The following KLF12 variants were observed in gnomAD, a reference collection of about 807,000 sequenced individuals.
KLF12 encodes the protein Krueppel-like factor 12.
A neutral mutation model predicts 37.8 loss-of-function variants in KLF12; 9 were observed. The ratio of observed to expected loss-of-function variants is 0.24; its 90% CI spans 0.14 to 0.42. The LOEUF is 0.42. Among genes scored for constraint, KLF12 ranks in the 10% least tolerant of loss-of-function variants. The probability of loss-of-function intolerance (pLI) is 1.00; values close to 1 mark genes in which losing one functional copy is unlikely to be tolerated. For missense variants in KLF12, 411 were observed against 516.0 expected, an observed-to-expected ratio of 0.80 and a Z score of 1.97; for synonymous variants, 208 against 202.1, an observed-to-expected ratio of 1.03 and a Z score of -0.25.
intron 1 of KLF12, among the ~76,000 whole-genome samples, chr13:74,050,194 T>C (rs1012328233): frequency 2.0e-5 from 3 of 152,178 alleles, no homozygotes; most frequent in African/African-American, 4.8e-5. Flanking sequence ...GACAAATGTA[T>C]TGGGAATCTT....
At chr13:74,083,263 A>C (rs1245634008) in intron 1 of KLF12, among the ~76,000 whole-genome samples, 7 of 152,184 alleles carry the variant, frequency 4.6e-5, no homozygotes, top group Admixed American at 4.6e-4. Context: ...CTGCAATCCC[A>C]ACACTTTAGG....
intron 3 of KLF12, among the ~76,000 whole-genome samples, chr13:73,933,883 A>C (rs1889800394): frequency 6.6e-6 from 1 of 152,118 alleles, no homozygotes; most frequent in Admixed American, 6.5e-5. Flanking sequence ...CCTCTTAACC[A>C]TTTTTAAGTG....
chr13:74,035,866 G>A (rs1458528209), intron 1 of KLF12, among the ~76,000 whole-genome samples: 1 of 152,104 alleles, frequency 6.6e-6, no homozygotes, highest in African/African-American at 2.4e-5. Context: ...ATAGGATTTT[G>A]CAATTTAGAA....
chr13:73,717,001 G>C (rs146650597), intron 6 of KLF12, among the ~76,000 whole-genome samples: 1 of 152,076 alleles, frequency 6.6e-6, no homozygotes, highest in Non-Finnish European at 1.5e-5. Context: ...AACTTAGATC[G>C]GGGGTCAGTG....
chr13:73,913,593 CACATAGTGAGAAAGGGAG>C, intron 3 of KLF12, among the ~76,000 whole-genome samples: 1 of 152,274 alleles, frequency 6.6e-6, no homozygotes, highest in South Asian at 2.1e-4. Flanking sequence ...CTGCTCCTCT[CACATAGTGAGAAAGGGAG>C]AACTGGACTG....
the KLF12 span, among the ~76,000 whole-genome samples, chr13:74,166,822 T>C: frequency 1.3e-5 from 2 of 152,198 alleles, no homozygotes; most frequent in East Asian, 3.8e-4. Flanking sequence ...CTTTCAAATA[T>C]ATGCTCAAAT....
the KLF12 span, among the ~76,000 whole-genome samples, chr13:74,242,981 G>A: frequency 1.3e-5 from 2 of 152,156 alleles, no homozygotes; most frequent in Admixed American, 6.5e-5. Context: ...GGATACATAT[G>A]CAGAACGTGC....
intron 2 of KLF12, among the ~76,000 whole-genome samples, chr13:73,985,926 T>C (rs762396123): frequency 3.9e-5 from 6 of 152,236 alleles, no homozygotes; most frequent in Non-Finnish European, 8.8e-5. Flanking sequence ...TTAATTTCAA[T>C]AGATAGCTGC....
chr13:74,119,665 T>C (rs1411748892), intron 1 of KLF12, among the ~76,000 whole-genome samples: 1 of 151,938 alleles, frequency 6.6e-6, no homozygotes, highest in African/African-American at 2.4e-5. Context: ...AGACTAAAAC[T>C]TGAATAGATG....
chr13:74,207,010 C>A, the KLF12 span, among the ~76,000 whole-genome samples: 2 of 152,128 alleles, frequency 1.3e-5, no homozygotes, highest in Admixed American at 1.3e-4. Flanking sequence ...TTTATTGGCT[C>A]ACAGTTCTAG....
At chr13:74,241,311 C>G in the KLF12 span, among the ~76,000 whole-genome samples, 1 of 152,164 alleles carries the variant, frequency 6.6e-6, no homozygotes, top group African/African-American at 2.4e-5. Context: ...TCTCAGATCT[C>G]CAGCTGCGTA....
rs191957151 is a variant in KLF12, at chr13:74,011,027, A to C, written c.-31-15974T>G. 3.2e-3 allele frequency among the ~76,000 whole-genome samples: 492 copies of C among 152,188 alleles called. 12 individuals are homozygous for C. The highest frequency in any genetic ancestry group is 0.029 in the Admixed American group (450 of 15,284). On this transcript the variant is annotated intron_variant, in intron 1 of 7. Transcript: ENST00000377669. ...CAGAATTAGACTTTGATTTTCAGTA[A>C]CTTCTACTCTCTCCTTTTTATTGCC...
At chr13:73,783,212 A>G (rs752347008) in intron 5 of KLF12, among the ~76,000 whole-genome samples, 26 of 151,834 alleles carry the variant, frequency 1.7e-4, no homozygotes, top group Non-Finnish European at 1.8e-4. Context: ...TGTTCAGTGA[A>G]ATAAGCTAAG....
chr13:74,239,140 G>A, the KLF12 span, among the ~76,000 whole-genome samples: 2 of 144,920 alleles, frequency 1.4e-5, no homozygotes, highest in Non-Finnish European at 1.5e-5. Flanking sequence ...GGTATGTTGT[G>A]TCTTTGTTCT....
intron 3 of KLF12, among the ~76,000 whole-genome samples, chr13:73,929,641 T>C (rs1158916301): frequency 6.6e-6 from 1 of 152,128 alleles, no homozygotes; most frequent in South Asian, 2.1e-4. Flanking sequence ...AGGAACAACA[T>C]GGGTGGGGCA....
At chr13:73,800,921 G>A (rs1450387234) in intron 5 of KLF12, 2 of 152,022 alleles carry the variant, frequency 1.3e-5, no homozygotes, top group Non-Finnish European at 2.9e-5. Flanking sequence ...AAATATGTTG[G>A]CACTCTTATT....
chr13:74,208,602 A>G, the KLF12 span, among the ~76,000 whole-genome samples: 1 of 152,108 alleles, frequency 6.6e-6, no homozygotes, highest in Non-Finnish European at 1.5e-5. Context: ...TTTCCTATCA[A>G]AATCAGTCAT....
At chr13:73,715,570 C>T in intron 6 of KLF12, 45 bp from the exon 7 acceptor site, 1 of 1,586,914 alleles carries the variant, frequency 6.3e-7, no homozygotes, top group South Asian at 1.1e-5. Context: ...TGCACACCGC[C>T]CCATTTTGGT....
the KLF12 span, among the ~76,000 whole-genome samples, chr13:74,263,088 A>G: frequency 1.3e-5 from 2 of 152,210 alleles, no homozygotes; most frequent in Non-Finnish European, 2.9e-5. Context: ...GATGAACATT[A>G]TTAAAGACAA....
Sources: allele counts gnomAD v4.1 joint callset (sites outside exome capture counted in the v4.1 genomes callset), GRCh38; gene constraint gnomAD v4.1.1; transcripts MANE v1.5; gene names NCBI Gene and HGNC (gene_info 2026-07-23, HGNC 2026-07-21).